Variants in MED12L observed in about 807,000 individuals in gnomAD.
MED12L encodes the protein mediator of RNA polymerase II transcription subunit 12-like protein.
A neutral mutation model predicts 281.3 loss-of-function variants in MED12L; 60 were observed. The ratio of observed to expected loss-of-function variants is 0.21; its 90% CI spans 0.17 to 0.26. The LOEUF is 0.26. MED12L is among the 10% of genes least tolerant of loss of function. The pLI, the probability that MED12L is intolerant of heterozygous loss-of-function variation, is 1.00. For synonymous variants in MED12L, 974 were observed against 987.2 expected (o/e 0.99, Z 0.25); for missense variants, 2,146 against 2,680.9 (o/e 0.80, Z 4.41).
chr3:151,423,910 T>C (rs1336477451), intron 43 of MED12L, among the ~76,000 whole-genome samples: 1 of 152,220 alleles, frequency 6.6e-6, no homozygotes, highest in Non-Finnish European at 1.5e-5. Context: ...TTGTGTCCGT[T>C]TCATATTATA....
intron 18 of MED12L, 87 bp from the exon 19 acceptor site, chr3:151,355,809 A>G: frequency 1.7e-6 from 2 of 1,209,410 alleles, no homozygotes; most frequent in South Asian, 1.6e-5. Flanking sequence ...TATAGATTCA[A>G]CTGTCTTAAA....
At chr3:151,265,751 G>T (rs972897469) in intron 16 of MED12L, among the ~76,000 whole-genome samples, 8 of 152,118 alleles carry the variant, frequency 5.3e-5, no homozygotes, top group Non-Finnish European at 1.0e-4. Context: ...CTCACCAAGA[G>T]TATAGTATTT....
At position 151,156,456 on chromosome 3, in the gene MED12L, T is replaced by G. The variant is rs911440924; in HGVS notation, c.726+126T>G. The G allele has an allele frequency of 4.5e-6, 4 of 881,886 alleles. 1 individual carries two copies. The allele number at this position is 881,886 out of a possible 1,614,324, so 54.6% of individuals were successfully genotyped here. ...ACCAATACATTCAAAGAAAGCAGTC[T>G]GACATTTCTCACATCGAATTGTATT... is the stretch of plus-strand genomic sequence containing the variant. On this transcript the variant is annotated intron_variant, in intron 6 of 44. Transcript: ENST00000687756.
chr3:151,300,629 A>C (rs1745781333), intron 16 of MED12L, among the ~76,000 whole-genome samples: 1 of 152,104 alleles, frequency 6.6e-6, no homozygotes, highest in Non-Finnish European at 1.5e-5. Flanking sequence ...TGCTTATAGG[A>C]CAGTTTACCA....
At chr3:151,215,069 C>T (rs986363859) in intron 16 of MED12L, among the ~76,000 whole-genome samples, 15 of 150,924 alleles carry the variant, frequency 9.9e-5, no homozygotes, top group African/African-American at 2.9e-4. Flanking sequence ...AAATGTTAAC[C>T]GGTATTTTTG....
chr3:151,229,775 T>C (rs1284900421), intron 16 of MED12L, among the ~76,000 whole-genome samples: 1 of 151,818 alleles, frequency 6.6e-6, no homozygotes, highest in Non-Finnish European at 1.5e-5. Flanking sequence ...AACTGAGCAA[T>C]TCTTAAACGA....
At chr3:151,300,683 G>A (rs1387276022) in intron 16 of MED12L, among the ~76,000 whole-genome samples, 1 of 152,178 alleles carries the variant, frequency 6.6e-6, no homozygotes, top group Non-Finnish European at 1.5e-5. Flanking sequence ...AACCATGTGA[G>A]ACTTTCAGGT....
At chr3:151,242,983 A>G (rs1320807821) in intron 16 of MED12L, among the ~76,000 whole-genome samples, 3 of 151,866 alleles carry the variant, frequency 2.0e-5, no homozygotes, top group African/African-American at 7.3e-5. Flanking sequence ...AAGCCTCAGG[A>G]GCCCATGCGA....
chr3:151,387,014 C>T (rs906614760), intron 36 of MED12L, among the ~76,000 whole-genome samples: 5 of 152,066 alleles, frequency 3.3e-5, no homozygotes, highest in Admixed American at 2.6e-4. Flanking sequence ...CTGGCCTGAA[C>T]CTTAGTTTTA....
At chr3:151,196,951 T>C (rs1398988518) in intron 16 of MED12L, among the ~76,000 whole-genome samples, 1 of 152,226 alleles carries the variant, frequency 6.6e-6, no homozygotes. Context: ...CAAATGGATT[T>C]ACCAGCGGTT....
intron 13 of MED12L, 117 bp from the exon 14 acceptor site, chr3:151,190,600 T>A: frequency 1.1e-6 from 1 of 925,118 alleles, no homozygotes; most frequent in South Asian, 1.7e-5. Flanking sequence ...TTCCAATAGA[T>A]CTTTTTTTTC....
At chr3:151,105,819 CTG>C in intron 2 of MED12L, among the ~76,000 whole-genome samples, 1 of 152,274 alleles carries the variant, frequency 6.6e-6, no homozygotes, top group South Asian at 2.1e-4. Context: ...AACATTTTCT[CTG>C]TGTGTCTGAT....
chr3:151,256,825 T>TG (rs1431680474), intron 16 of MED12L, among the ~76,000 whole-genome samples: 1 of 151,908 alleles, frequency 6.6e-6, no homozygotes, highest in Admixed American at 6.6e-5. Flanking sequence ...GTTTTTTTTT[T>TG]TTTCTTGGTG....
intron 16 of MED12L, among the ~76,000 whole-genome samples, chr3:151,285,956 G>A (rs1238994971): frequency 1.3e-5 from 2 of 152,182 alleles, no homozygotes; most frequent in Admixed American, 1.3e-4. Flanking sequence ...CCTTTCTGTT[G>A]TTTATAAATT....
intron 39 of MED12L, among the ~76,000 whole-genome samples, chr3:151,400,656 G>C (rs575706828): frequency 2.0e-5 from 3 of 152,284 alleles, no homozygotes; most frequent in Admixed American, 6.5e-5. Flanking sequence ...TGGCAAAAAT[G>C]AATCTGTGAC....
chr3:151,148,564 A>G (rs1718038981), intron 5 of MED12L, among the ~76,000 whole-genome samples: 1 of 152,218 alleles, frequency 6.6e-6, no homozygotes, highest in Non-Finnish European at 1.5e-5. Flanking sequence ...TTGTAGTCAT[A>G]TAGCCTAAAG....
intron 16 of MED12L, among the ~76,000 whole-genome samples, chr3:151,339,305 A>G (rs1175372027): frequency 6.6e-6 from 1 of 152,050 alleles, no homozygotes; most frequent in Non-Finnish European, 1.5e-5. Flanking sequence ...TTACTGTAGT[A>G]CCGTCAAAAC....
At chr3:151,359,663 C>T (rs1325604881) in intron 20 of MED12L, among the ~76,000 whole-genome samples, 1 of 152,134 alleles carries the variant, frequency 6.6e-6, no homozygotes, top group Admixed American at 6.6e-5. Flanking sequence ...CTCCTTTATA[C>T]AATAAGGATG....
At chr3:151,261,802 A>G (rs1406631670) in intron 16 of MED12L, among the ~76,000 whole-genome samples, 2 of 152,024 alleles carry the variant, frequency 1.3e-5, no homozygotes, top group African/African-American at 4.8e-5. Flanking sequence ...TTGGCGCACT[A>G]TAACCTCCAC....
Sources: allele counts gnomAD v4.1 joint callset (sites outside exome capture counted in the v4.1 genomes callset), GRCh38; gene constraint gnomAD v4.1.1; transcripts MANE v1.5; gene names NCBI Gene and HGNC (gene_info 2026-07-23, HGNC 2026-07-21).